The following PLB1 variants were observed in gnomAD, a reference collection of about 807,000 sequenced individuals.
PLB1 encodes phospholipase B1, also known as phospholipase B1, membrane-associated.
PLB1 carries 242 observed loss-of-function variants against 227.4 expected under a neutral mutation model. That is an observed-to-expected ratio of 1.06 (90% CI 0.96 to 1.18). The LOEUF (loss-of-function observed/expected upper bound fraction) is 1.18. PLB1 is among the 50% of genes most tolerant of loss of function. The probability of loss-of-function intolerance (pLI) is 0.00; values close to 1 mark genes in which losing one functional copy is unlikely to be tolerated. For missense variants in PLB1, 1,858 were observed against 1,816.3 expected, an observed-to-expected ratio of 1.02 and a Z score of -0.42; for synonymous variants, 757 against 682.2, an observed-to-expected ratio of 1.11 and a Z score of -1.71.
intron 6 of PLB1, among the ~76,000 whole-genome samples, chr2:28,528,909 C>A (rs1181503558): frequency 6.6e-6 from 1 of 151,316 alleles, no homozygotes; most frequent in Admixed American, 6.6e-5. Context: ...GGCGGCGACC[C>A]CGGCAGCTCA....
chr2:28,606,354 G>A (rs1252636526), intron 42 of PLB1, 142 bp from the exon 43 acceptor site: 2 of 777,940 alleles, frequency 2.6e-6, no homozygotes, highest in African/African-American at 1.7e-5. Flanking sequence ...CCCACGGCTG[G>A]CAACTGGCAG....
Position 28,601,342 on chromosome 2 carries a change from G to A in PLB1, c.2607+10G>A. ...CTACTGCACAGATTCGGTAATTGGG[G>A]CCAGGTCCAGGCCTACTTGTTGTTC... On this transcript the variant is annotated intron_variant, in intron 37 of 57. Transcript: ENST00000327757. 2 of 1,611,920 alleles carry A rather than the reference G, an allele frequency of 1.2e-6. No homozygotes were observed. Among genetic ancestry groups the A allele is most frequent in the Non-Finnish European group, 1.7e-6 (2 of 1,178,204 alleles).
rs1553467799 is a variant in PLB1, at chr2:28,636,033, G to GTGTGTGTGTGTATGTA, written c.4098+3003_4098+3004insGTATGTATGTGTGTGT. On this transcript the variant is annotated intron_variant, in intron 56 of 57. Coordinates refer to ENST00000327757, the MANE Select transcript of PLB1 (RefSeq NM_153021.5). ...TGTATGTATGAATGTGTGTGTATGT[G>GTGTGTGTGTGTATGTA]TGTGTGTGTATGTATGTGTATGTGT... Among the ~76,000 whole-genome samples, 21 of 149,810 alleles carry GTGTGTGTGTGTATGTA rather than the reference G, an allele frequency of 1.4e-4. No individual in the cohort carries two copies. In the South Asian group the frequency reaches 3.5e-3, roughly 25 times the overall value.
intron 14 of PLB1, among the ~76,000 whole-genome samples, chr2:28,543,792 A>T (rs1001752904): frequency 6.6e-6 from 1 of 152,188 alleles, no homozygotes; most frequent in African/African-American, 2.4e-5. Context: ...CTGGCCCAAC[A>T]TATCTAGCGC....
chr2:28,605,828 G>A, intron 41 of PLB1, 25 bp from the exon 42 acceptor site: 1 of 1,573,718 alleles, frequency 6.4e-7, no homozygotes, highest in Non-Finnish European at 8.7e-7. Flanking sequence ...ATAGGATCTT[G>A]AGGGGGTATA....
chr2:28,582,362 G>T, intron 24 of PLB1, 43 bp from the exon 25 acceptor site: 1 of 1,563,862 alleles, frequency 6.4e-7, no homozygotes, highest in Non-Finnish European at 8.8e-7. Flanking sequence ...GTGAAAGGCT[G>T]CCCAGCCTCA....
intron 16 of PLB1, among the ~76,000 whole-genome samples, chr2:28,550,930 C>CT (rs989201443): frequency 9.9e-5 from 15 of 152,268 alleles, no homozygotes; most frequent in Admixed American, 8.5e-4. Context: ...TCAGGACAGG[C>CT]TGGGGGAGGG....
chr2:28,528,300 G>A (rs923261729), intron 6 of PLB1, among the ~76,000 whole-genome samples: 2 of 152,166 alleles, frequency 1.3e-5, no homozygotes, highest in Admixed American at 6.5e-5. Context: ...GGGGAGTTGG[G>A]GGGAGGAGTG....
At chr2:28,529,108 C>A (rs528371438) in intron 6 of PLB1, among the ~76,000 whole-genome samples, 1 of 151,958 alleles carries the variant, frequency 6.6e-6, no homozygotes, top group Non-Finnish European at 1.5e-5. Flanking sequence ...CCACCACACC[C>A]GGCTGATTTT....
At chr2:28,604,184 G>T in intron 40 of PLB1, 137 bp downstream of exon 40, 1 of 769,778 alleles carries the variant, frequency 1.3e-6, no homozygotes, top group Non-Finnish European at 2.2e-6. Context: ...CAGCCTGGGT[G>T]CCTTCCTCTG....
intron 17 of PLB1, among the ~76,000 whole-genome samples, chr2:28,562,692 C>T (rs1676257056): frequency 1.3e-5 from 2 of 152,002 alleles, no homozygotes; most frequent in African/African-American, 2.4e-5. Flanking sequence ...ATGGCAATTT[C>T]TTCCCTCCTC....
At chr2:28,506,779 C>G (rs139468286) in intron 1 of PLB1, among the ~76,000 whole-genome samples, 1 of 152,168 alleles carries the variant, frequency 6.6e-6, no homozygotes, top group Non-Finnish European at 1.5e-5. Flanking sequence ...AGAGGCACCA[C>G]CTTGGTGAAC....
At chr2:28,579,815 A>T in intron 23 of PLB1, 108 bp downstream of exon 23, 1 of 942,344 alleles carries the variant, frequency 1.1e-6, no homozygotes, top group East Asian at 2.5e-5. Context: ...ACTCAGGCTC[A>T]TGGTTTGTCT....
rs115727860 is a variant in PLB1 at position 28,642,304 on chromosome 2, G to A, written c.4174-554G>A. Among the ~76,000 whole-genome samples, 1,386 of 152,052 alleles carry A rather than the reference G, an allele frequency of 9.1e-3. 8 individuals carry two copies. The highest frequency in any genetic ancestry group is 0.013 in the Non-Finnish European group (882 of 68,014). Reference sequence around the variant, plus strand: ...CAGTCTCATCACAGCTTCCAGCAAGGGGGCTAAACACAGCACGTGCCCAAT... The same window carrying A: ...CAGTCTCATCACAGCTTCCAGCAAGAGGGCTAAACACAGCACGTGCCCAAT... On this transcript the variant is annotated intron_variant, in intron 57 of 57. Transcript: ENST00000327757.
chr2:28,517,132 A>G (rs960522216), intron 2 of PLB1, among the ~76,000 whole-genome samples: 4 of 152,214 alleles, frequency 2.6e-5, no homozygotes, highest in Non-Finnish European at 5.9e-5. Context: ...TGGGCTTGTT[A>G]TCTCCATGAA....
At chr2:28,588,436 G>C (rs2148280315) in intron 26 of PLB1, among the ~76,000 whole-genome samples, 1 of 152,294 alleles carries the variant, frequency 6.6e-6, no homozygotes, top group East Asian at 1.9e-4. Flanking sequence ...CTGACCACTG[G>C]CTTGGGAGGT....
At chr2:28,566,205 G>A (rs1676867491) in intron 19 of PLB1, among the ~76,000 whole-genome samples, 1 of 152,032 alleles carries the variant, frequency 6.6e-6, no homozygotes, top group South Asian at 2.1e-4. Context: ...AAACATTTGG[G>A]GAACCTTTTA....
At chr2:28,598,910 C>T (rs765128650) in intron 35 of PLB1, 150 bp downstream of exon 35, 182 of 687,418 alleles carry the variant, frequency 2.6e-4, no homozygotes, top group Middle Eastern at 3.9e-4. Flanking sequence ...GCCCCTGTGA[C>T]GAAGGTTGTA....
At chr2:28,541,330 G>C (rs1261622970) in intron 12 of PLB1, among the ~76,000 whole-genome samples, 1 of 152,184 alleles carries the variant, frequency 6.6e-6, no homozygotes, top group Non-Finnish European at 1.5e-5. Context: ...GAAGTTGCAT[G>C]GTATCTCTCT....
Sources: gnomAD v4.1 joint callset for allele counts (sites outside exome capture counted in the v4.1 genomes callset) on GRCh38, gnomAD v4.1.1 for gene constraint, MANE v1.5 for transcripts, NCBI Gene and HGNC (gene_info 2026-07-23, HGNC 2026-07-21) for gene names.